The following PLVAP variants were observed in gnomAD, a reference collection of about 807,000 sequenced individuals.
PLVAP encodes plasmalemma vesicle-associated protein.
A neutral mutation model predicts 43.1 loss-of-function variants in PLVAP; 34 were observed. That is an observed-to-expected ratio of 0.79 (90% CI 0.60 to 1.05). The LOEUF is 1.05. Among genes scored for constraint, PLVAP ranks in the 50% least tolerant of loss-of-function variants. The pLI, the probability that PLVAP is intolerant of heterozygous loss-of-function variation, is 0.00. For missense variants in PLVAP, 574 were observed against 593.4 expected (o/e 0.97, Z 0.34); for synonymous variants, 241 against 237.3 (o/e 1.02, Z -0.14).
intron 3 of PLVAP, among the ~76,000 whole-genome samples, chr19:17,361,942 C>T (rs553982021): frequency 1.2e-3 from 176 of 151,840 alleles, no homozygotes; most frequent in Non-Finnish European, 1.4e-3. Flanking sequence ...AAAAATCAGC[C>T]GGGCCTGGTG....
intron 5 of PLVAP, among the ~76,000 whole-genome samples, chr19:17,356,392 G>A (rs923276563): frequency 2.0e-5 from 3 of 152,178 alleles, no homozygotes; most frequent in South Asian, 2.1e-4. Flanking sequence ...GTCGGCCATC[G>A]ATTTGGGAAC....
chr19:17,355,239 AT>A (rs1364930009), intron 5 of PLVAP, among the ~76,000 whole-genome samples: 6 of 144,030 alleles, frequency 4.2e-5, no homozygotes, highest in African/African-American at 1.5e-4. Flanking sequence ...AATAATAATA[AT>A]AATAATAATA....
At position 17,366,074 on chromosome 19, in the gene PLVAP, G is replaced by A. The variant is rs374156777; in HGVS notation, c.466+25C>T. The A allele has an allele frequency of 8.6e-5, 139 of 1,613,458 alleles. 1 individual carries two copies. Among genetic ancestry groups the A allele is most frequent in the South Asian group, 7.8e-4 (71 of 91,028 alleles). ...CACTGGGCAGGGAGTCCACCACCCC[G>A]GCTCCCTGCAGCCTTAGCACTCACC... On this transcript the variant is annotated intron_variant, in intron 2 of 5. Coordinates refer to ENST00000252590, the MANE Select transcript of PLVAP (RefSeq NM_031310.3).
Position 17,351,570 on chromosome 19 carries a change from G to A in PLVAP, c.*792C>T, listed in dbSNP as rs1568371518. 1 of 152,256 alleles carries A rather than the reference G, an allele frequency of 6.6e-6. No individual in the cohort carries two copies. Among genetic ancestry groups the A allele is most frequent in the Non-Finnish European group, 1.5e-5 (1 of 68,080 alleles). 9.4% of individuals were successfully genotyped at this position (152,256 alleles called of 1,614,324 possible). ...CCGACAACAGGTGACCCTCACCCCC[G>A]GCTCAGGGCCCCGAGGGGGTCCTGG... On this transcript the variant is annotated 3_prime_UTR_variant, in exon 6 of 6. Transcript: ENST00000252590.
intron 1 of PLVAP, among the ~76,000 whole-genome samples, chr19:17,376,152 T>C (rs1356013480): frequency 2.0e-5 from 3 of 152,018 alleles, no homozygotes; most frequent in African/African-American, 7.3e-5. Flanking sequence ...TGCTCCAGCC[T>C]GGGTGACAGA....
intron 5 of PLVAP, among the ~76,000 whole-genome samples, chr19:17,359,779 G>A (rs568784681): frequency 2.0e-4 from 28 of 137,958 alleles, no homozygotes; most frequent in Admixed American, 1.5e-3. Flanking sequence ...TGCAACCTCC[G>A]CCTCCCAGGT....
intron 1 of PLVAP, among the ~76,000 whole-genome samples, chr19:17,368,969 C>T (rs1227433471): frequency 1.3e-5 from 2 of 151,974 alleles, no homozygotes; most frequent in East Asian, 1.9e-4. Context: ...GGTGACAGAG[C>T]GAGACTCCGT....
chr19:17,365,290 G>C lies in PLVAP; in HGVS notation c.1175C>G (p.Thr392Ser). The change falls in exon 3 of 6, where the codon ACC becomes AGC. Residue 392 changes from threonine to serine, a missense_variant. Thr to Ser is a moderately conservative substitution (Grantham distance 58, BLOSUM62 1). Coordinates refer to ENST00000252590, the MANE Select transcript of PLVAP (RefSeq NM_031310.3). Reference protein sequence around the residue: ...RNSALDTCIKTKSQPMMPVSR... With the variant: ...RNSALDTCIKSKSQPMMPVSR... The stretch of plus-strand genomic sequence containing the variant: ...CTCTGGGGCCTGCAAGCCCACCTTG[G>C]TCTTGATGCAGGTGTCCAGGGCTGA... 6.2e-7 allele frequency: 1 copy of C among 1,608,760 alleles called. No individual in the cohort carries two copies. The highest frequency in any genetic ancestry group is 1.1e-5 in the South Asian group (1 of 90,768).
rs552835073 is a variant in PLVAP, at chr19:17,376,818, T to C, written c.369+102A>G. ...GTCTCATAAGAAAAGAGAGCATTGG[T>C]CCTGTGATCGTCCCCCTCTCTTGGA... is the stretch of plus-strand genomic sequence containing the variant. On this transcript the variant is annotated intron_variant, in intron 1 of 5. Coordinates refer to ENST00000252590, the MANE Select transcript of PLVAP (RefSeq NM_031310.3). 4 of 1,148,686 alleles carry C rather than the reference T, an allele frequency of 3.5e-6. No homozygotes were observed. The South Asian group carries it at 4.6e-5, about 13-fold the overall frequency. 71.2% of individuals were successfully genotyped at this position (1,148,686 alleles called of 1,614,324 possible). A position where few individuals can be genotyped will look rare whatever the true frequency, so the allele number is the denominator to read the frequency against.
intron 1 of PLVAP, among the ~76,000 whole-genome samples, chr19:17,375,268 T>C (rs975063882): frequency 5.9e-5 from 9 of 152,230 alleles, no homozygotes; most frequent in African/African-American, 2.2e-4. Context: ...TTCAGCCACT[T>C]ATTTGCAGCT....
chr19:17,368,832 G>T (rs557432823), intron 1 of PLVAP, among the ~76,000 whole-genome samples: 1 of 152,210 alleles, frequency 6.6e-6, no homozygotes, highest in South Asian at 2.1e-4. Flanking sequence ...AAAAAAATTA[G>T]CAGGGCATGT....
At position 17,365,825 on chromosome 19, in the gene PLVAP, C is replaced by A. The variant is rs768461836; in HGVS notation, c.640G>T (p.Ala214Ser). The A allele has an allele frequency of 6.2e-7, 1 of 1,614,122 alleles. No homozygotes were observed. Among genetic ancestry groups the A allele is most frequent in the African/African-American group, 1.3e-5 (1 of 75,062 alleles). ...RELQHQERQL[A>S]KEQLQKVQAL... ...TGCACCTTTTGCAGTTGCTCCTTGG[C>A]CAGCTGGCGCTCTTGGTGCTGCAGC... Residue 214 changes from alanine to serine, a missense_variant, in exon 3 of 6, where the codon GCC becomes TCC. By Grantham distance (99) the Ala-to-Ser change is moderately conservative. Transcript: ENST00000252590.
At chr19:17,366,073 CG>C (rs889990188) in intron 2 of PLVAP, 25 bp downstream of exon 2, 2 of 1,612,292 alleles carry the variant, frequency 1.2e-6, no homozygotes, top group African/African-American at 2.7e-5. Context: ...TCCACCACCC[CG>C]GCTCCCTGCA....
chr19:17,360,472 C>A, intron 5 of PLVAP, 56 bp downstream of exon 5: 1 of 1,555,180 alleles, frequency 6.4e-7, no homozygotes, highest in South Asian at 1.1e-5. Context: ...CAGTCCTGGT[C>A]CTAGCTTTGC....
chr19:17,377,072 G>C lies in PLVAP; in HGVS notation c.217C>G (p.Gln73Glu), dbSNP rs775769601. 19 of 1,614,212 alleles carry C rather than the reference G, an allele frequency of 1.2e-5. No individual in the cohort carries two copies. The East Asian group carries it at 4.2e-4, about 36-fold the overall frequency. Reference sequence around the variant, plus strand: ...TGGGAGGCCGTGAGCCCTAGGAGCTGACTGTATAGGCCCTCGGCTCGGCGC... The same window carrying C: ...TGGGAGGCCGTGAGCCCTAGGAGCTCACTGTATAGGCCCTCGGCTCGGCGC... ...TERRAEGLYS[Q>E]LLGLTASQSN... Residue 73 changes from glutamine to glutamate, a missense_variant, in exon 1 of 6, where the codon CAG becomes GAG. Physicochemically the swap from Gln to Glu is conservative, Grantham distance 29. Coordinates refer to ENST00000252590, the MANE Select transcript of PLVAP (RefSeq NM_031310.3).
At chr19:17,375,470 G>A (rs2074591115) in intron 1 of PLVAP, among the ~76,000 whole-genome samples, 1 of 152,104 alleles carries the variant, frequency 6.6e-6, no homozygotes, top group Non-Finnish European at 1.5e-5. Flanking sequence ...TAAAAAAAAT[G>A]TTGCTGGCTG....
intron 5 of PLVAP, among the ~76,000 whole-genome samples, chr19:17,359,687 C>A (rs937668913): frequency 8.3e-6 from 1 of 121,210 alleles, no homozygotes; most frequent in Non-Finnish European, 1.7e-5. Flanking sequence ...CCACCGTACC[C>A]GGCCTCTTTT....
chr19:17,366,713 C>T (rs536808385), intron 1 of PLVAP, among the ~76,000 whole-genome samples: 4 of 150,752 alleles, frequency 2.7e-5, no homozygotes, highest in African/African-American at 9.8e-5. Flanking sequence ...CTCACCACAA[C>T]CTCTGCCTCC....
At position 17,365,377 on chromosome 19, in the gene PLVAP, T is replaced by C; in HGVS notation, c.1088A>G (p.Lys363Arg). The change falls in exon 3 of 6, where the codon AAG (lysine) becomes AGG (arginine). Residue 363 changes from lysine (K) to arginine (R), a missense_variant. Physicochemically the swap from Lys to Arg is conservative, Grantham distance 26. Transcript: ENST00000252590. ...VLRKERDNLA[K>R]ELEEKKREAE... Reference sequence around the variant, plus strand: ...CTCCCTCTTCTTCTCTTCCAGCTCCTTGGCCAGGTTGTCTCGTTCCTTCCG... The same window carrying C: ...CTCCCTCTTCTTCTCTTCCAGCTCCCTGGCCAGGTTGTCTCGTTCCTTCCG... 1.2e-6 allele frequency: 2 copies of C among 1,613,490 alleles called. No individual in the cohort carries two copies. The highest frequency in any genetic ancestry group is 8.5e-7 in the Non-Finnish European group (1 of 1,180,034).
Sources: allele counts gnomAD v4.1 joint callset (sites outside exome capture counted in the v4.1 genomes callset), GRCh38; gene constraint gnomAD v4.1.1; transcripts MANE v1.5; gene names NCBI Gene and HGNC (gene_info 2026-07-23, HGNC 2026-07-21).